The following VPS4B variants were observed in gnomAD, a reference collection of about 807,000 sequenced individuals.
VPS4B encodes the protein vacuolar protein sorting-associated protein 4B.
In VPS4B, 23 loss-of-function variants were observed where a neutral mutation model predicts 56.1. The ratio of observed to expected loss-of-function variants is 0.41; its 90% confidence interval spans 0.30 to 0.58. VPS4B has a LOEUF of 0.58. VPS4B is among the 20% of genes least tolerant of loss of function. VPS4B has a pLI of 0.29. For missense variants in VPS4B, 372 were observed against 531.9 expected (o/e 0.70, Z 2.96); for synonymous variants, 177 against 186.0 (o/e 0.95, Z 0.39).
intron 1 of VPS4B, among the ~76,000 whole-genome samples, chr18:63,419,431 A>T (rs892459504): frequency 4.0e-5 from 6 of 151,738 alleles, no homozygotes; most frequent in South Asian, 2.1e-4. Context: ...AAAAAAAAAT[A>T]AATGCAGATA....
Position 63,410,301 on chromosome 18 carries a change from T to C in VPS4B, c.285A>G (p.Ala95=), listed in dbSNP as rs141456684. The C allele has an allele frequency of 3.3e-5, 54 of 1,613,736 alleles. No homozygotes were observed. Among genetic ancestry groups the C allele is most frequent in the Non-Finnish European group, 4.4e-5 (52 of 1,179,994 alleles). ...KPVKEGQPSP[A]DEKGNDSDGE... Reference sequence around the variant, plus strand: ...TTTTAAACACGTACCCCTTCTCATCTGCTGGACTCGGCTGTCCTTCTTTCA... The same window carrying C: ...TTTTAAACACGTACCCCTTCTCATCCGCTGGACTCGGCTGTCCTTCTTTCA... Residue 95 remains alanine (A), a synonymous_variant, in exon 3 of 11, where the codon GCA becomes GCG. Transcript: ENST00000238497.
At chr18:63,402,367 A>G (rs1799272402) in intron 5 of VPS4B, among the ~76,000 whole-genome samples, 1 of 152,224 alleles carries the variant, frequency 6.6e-6, no homozygotes, top group Non-Finnish European at 1.5e-5. Flanking sequence ...AGGCAAAATA[A>G]TCTCTGGCGT....
chr18:63,390,792 A>T lies in VPS4B; in HGVS notation c.*183T>A, dbSNP rs1915531083. The T allele has an allele frequency of 8.7e-6, 4 of 460,572 alleles. No individual in the cohort carries two copies. Among genetic ancestry groups the T allele is most frequent in the Middle Eastern group, 1.2e-3 (2 of 1,668 alleles). The allele number at this position is 460,572 out of a possible 1,614,324, so 28.5% of individuals were successfully genotyped here. A position where few individuals can be genotyped will look rare whatever the true frequency, so the allele number is the denominator to read the frequency against. ...AACCTGTTATTTTGTACCTTTTGTT[A>T]ATAGGAGTATTTAATAAGTAATGGA... is the stretch of plus-strand genomic sequence containing the variant. On this transcript the variant is annotated 3_prime_UTR_variant, in exon 11 of 11. Transcript: ENST00000238497.
chr18:63,405,259 C>T (rs548773660), intron 4 of VPS4B, among the ~76,000 whole-genome samples: 2 of 152,056 alleles, frequency 1.3e-5, no homozygotes, highest in Non-Finnish European at 2.9e-5. Flanking sequence ...TTTGACTATA[C>T]TATTTACTAG....
chr18:63,402,016 A>C (rs1461113919), intron 5 of VPS4B, among the ~76,000 whole-genome samples: 1 of 152,136 alleles, frequency 6.6e-6, no homozygotes, highest in Non-Finnish European at 1.5e-5. Context: ...AAAACAAAAC[A>C]AAACAAAAAA....
intron 4 of VPS4B, among the ~76,000 whole-genome samples, chr18:63,405,107 C>T (rs554473037): frequency 2.6e-5 from 4 of 152,122 alleles, no homozygotes; most frequent in South Asian, 2.1e-4. Context: ...TATAATACTT[C>T]TAAGTTAAAA....
At chr18:63,415,603 G>T in intron 1 of VPS4B, 1 of 245,542 alleles carries the variant, frequency 4.1e-6, no homozygotes, top group Non-Finnish European at 8.6e-6. Context: ...GTGAAGCAGT[G>T]GTCCATGATA....
At chr18:63,418,925 T>C (rs1344049745) in intron 1 of VPS4B, among the ~76,000 whole-genome samples, 1 of 152,182 alleles carries the variant, frequency 6.6e-6, no homozygotes, top group Non-Finnish European at 1.5e-5. Flanking sequence ...TATGCAAATA[T>C]TCACCGGACA....
intron 5 of VPS4B, among the ~76,000 whole-genome samples, chr18:63,401,012 T>C (rs1432012245): frequency 6.6e-6 from 1 of 152,248 alleles, no homozygotes; most frequent in African/African-American, 2.4e-5. Context: ...GCGTGGAGTC[T>C]AGTAGGGGAA....
Position 63,422,299 on chromosome 18 carries a change from AG to A in VPS4B, c.-41del, listed in dbSNP as rs1916324742. On this transcript the variant is annotated 5_prime_UTR_variant, in exon 1 of 11. Coordinates refer to ENST00000238497, the MANE Select transcript of VPS4B (RefSeq NM_004869.4). ...GCGGTTCCCAAGGGAACGAGGGGCG[AG>A]GAGAGCCAACAGCAGCAACGTCGAA... 1.4e-6 allele frequency: 2 copies of A among 1,477,614 alleles called. No individual in the cohort carries two copies. Among genetic ancestry groups the A allele is most frequent in the Non-Finnish European group, 1.8e-6 (2 of 1,111,996 alleles). The allele number at this position is 1,477,614 out of a possible 1,614,324, so 91.5% of individuals were successfully genotyped here.
intron 9 of VPS4B, among the ~76,000 whole-genome samples, chr18:63,395,059 A>C (rs2144411759): frequency 6.6e-6 from 1 of 152,254 alleles, no homozygotes; most frequent in South Asian, 2.1e-4. Flanking sequence ...AAAAGAAGTA[A>C]AGGATGGAGC....
At chr18:63,401,653 A>C (rs367741424) in intron 5 of VPS4B, among the ~76,000 whole-genome samples, 4 of 152,156 alleles carry the variant, frequency 2.6e-5, no homozygotes, top group East Asian at 1.9e-4. Context: ...CCTGCCTAAA[A>C]TAAAACAGGT....
chr18:63,422,468 A>C lies in VPS4B; in HGVS notation c.-209T>G, dbSNP rs532297801. On this transcript the variant is annotated 5_prime_UTR_variant, in exon 1 of 11. Transcript: ENST00000238497. ...TCCCCACCAAACTTCCGCAATCCCGAGGCCCTCTAGGTTCTGGTCCCGCCT... is the reference window on the plus strand; with the variant it reads ...TCCCCACCAAACTTCCGCAATCCCGCGGCCCTCTAGGTTCTGGTCCCGCCT... The C allele has an allele frequency of 2.5e-6, 1 of 400,580 alleles. No homozygotes were observed. Among genetic ancestry groups the C allele is most frequent in the Non-Finnish European group, 4.4e-6 (1 of 227,334 alleles). The allele number at this position is 400,580 out of a possible 1,614,324, so 24.8% of individuals were successfully genotyped here.
intron 1 of VPS4B, among the ~76,000 whole-genome samples, chr18:63,418,359 C>G (rs1266242839): frequency 1.3e-5 from 2 of 152,158 alleles, no homozygotes; most frequent in African/African-American, 4.8e-5. Context: ...ACAACAAATA[C>G]CCTGACAGTG....
At chr18:63,393,351 A>G (rs1384415947) in intron 10 of VPS4B, 58 bp downstream of exon 10, 11 of 1,436,182 alleles carry the variant, frequency 7.7e-6, no homozygotes, top group Non-Finnish European at 2.8e-6. Flanking sequence ...TATATAACTG[A>G]AAATTATGAA....
chr18:63,412,287 A>T (rs973443112), intron 1 of VPS4B, among the ~76,000 whole-genome samples: 3 of 152,246 alleles, frequency 2.0e-5, no homozygotes, highest in Non-Finnish European at 4.4e-5. Flanking sequence ...AACTTTTTAT[A>T]TGTAGCAGGA....
chr18:63,399,722 A>G (rs968208949), intron 7 of VPS4B, among the ~76,000 whole-genome samples: 1 of 152,154 alleles, frequency 6.6e-6, no homozygotes. Flanking sequence ...AGTAAAAATT[A>G]TGTATGCATA....
intron 1 of VPS4B, among the ~76,000 whole-genome samples, chr18:63,418,647 G>C (rs535312271): frequency 6.6e-6 from 1 of 152,128 alleles, no homozygotes; most frequent in African/African-American, 2.4e-5. Flanking sequence ...GCGATCTGCT[G>C]CCTCGGCCTC....
intron 4 of VPS4B, 50 bp downstream of exon 4, chr18:63,407,382 T>C (rs764784373): frequency 7.0e-7 from 1 of 1,432,130 alleles, no homozygotes; most frequent in East Asian, 2.3e-5. Context: ...ACAATTCACT[T>C]TGAGTCTTTT....
Sources: allele counts gnomAD v4.1 joint callset (sites outside exome capture counted in the v4.1 genomes callset), GRCh38; gene constraint gnomAD v4.1.1; transcripts MANE v1.5; gene names NCBI Gene and HGNC (gene_info 2026-07-23, HGNC 2026-07-21).